The following PRICKLE2 variants were observed in gnomAD, a reference collection of about 807,000 sequenced individuals.
PRICKLE2 encodes prickle planar cell polarity protein 2.
Under a neutral mutation model 81.4 loss-of-function variants are expected in PRICKLE2, and 21 were observed. The observed-to-expected ratio is 0.26, with a 90% CI of 0.18 to 0.37. PRICKLE2 has a LOEUF of 0.37. Among genes scored for constraint, PRICKLE2 ranks in the 10% least tolerant of loss-of-function variants. PRICKLE2 has a pLI of 1.00. For missense variants in PRICKLE2, 940 were observed against 1,109.0 expected (o/e 0.85, Z 2.16); for synonymous variants, 456 against 421.5 (o/e 1.08, Z -1.00).
At chr3:64,182,361 T>C (rs2078150579) in intron 2 of PRICKLE2, among the ~76,000 whole-genome samples, 1 of 151,442 alleles carries the variant, frequency 6.6e-6, no homozygotes, top group Admixed American at 6.6e-5. Context: ...GTTGTGCGCA[T>C]CTACAGTCCC....
At chr3:64,209,154 T>C (rs903911618) in intron 1 of PRICKLE2, among the ~76,000 whole-genome samples, 2 of 148,088 alleles carry the variant, frequency 1.4e-5, no homozygotes, top group African/African-American at 2.5e-5. Flanking sequence ...TCTATCCACC[T>C]ATCCACCCAT....
At chr3:64,228,208 G>A (rs959797119), upstream of PRICKLE2, among the ~76,000 whole-genome samples, 2 of 152,124 alleles carry the variant, frequency 1.3e-5, no homozygotes, top group African/African-American at 4.8e-5. Flanking sequence ...GGACAACATG[G>A]TGACCAAGAT....
intron 2 of PRICKLE2, among the ~76,000 whole-genome samples, chr3:64,178,716 T>A (rs2078065835): frequency 6.6e-6 from 1 of 152,236 alleles, no homozygotes; most frequent in Non-Finnish European, 1.5e-5. Flanking sequence ...CAGCAAACAC[T>A]GAATTTCTGA....
At chr3:64,146,461 A>ACGGT in intron 7 of PRICKLE2, 1 of 245,476 alleles carries the variant, frequency 4.1e-6, no homozygotes, top group East Asian at 9.5e-5. Context: ...CCGGAGGACC[A>ACGGT]GGCTGGGCAC....
At chr3:64,215,788 C>T (rs1456162660) in intron 1 of PRICKLE2, among the ~76,000 whole-genome samples, 1 of 152,198 alleles carries the variant, frequency 6.6e-6, no homozygotes, top group Admixed American at 6.5e-5. Flanking sequence ...TTACAGCTGA[C>T]AATGTACCAT....
Position 64,175,755 on chromosome 3 carries a change from T to C in PRICKLE2, c.145-12626A>G, listed in dbSNP as rs538120265. Among the ~76,000 whole-genome samples, 364 of 152,224 alleles carry C rather than the reference T, an allele frequency of 2.4e-3. 1 individual carries two copies. The highest frequency in any genetic ancestry group is 4.1e-3 in the Non-Finnish European group (278 of 67,994). On this transcript the variant is annotated intron_variant, in intron 2 of 7. Transcript: ENST00000638394. ...TGCTGGTGTTCAATATAAAATGTAATAAAAATAAACATATTTTAAAATAAA... is the reference window on the plus strand; with the variant it reads ...TGCTGGTGTTCAATATAAAATGTAACAAAAATAAACATATTTTAAAATAAA...
rs2076541490 is a variant in PRICKLE2, at chr3:64,094,377, CA to C, written c.*4673del. The C allele has an allele frequency of 6.6e-6, 1 of 152,196 alleles. No individual in the cohort carries two copies. The highest frequency in any genetic ancestry group is 1.5e-5 in the Non-Finnish European group (1 of 68,036). 9.4% of individuals were successfully genotyped at this position (152,196 alleles called of 1,614,324 possible). A position where few individuals can be genotyped will look rare whatever the true frequency, so the allele number is the denominator to read the frequency against. On this transcript the variant is annotated 3_prime_UTR_variant, in exon 8 of 8. Transcript: ENST00000638394. ...GCTTGGTCAGTGACCTGTTGAATAT[CA>C]ATGGCCAAATGCCAAGCAGAGTGAA... is the stretch of plus-strand genomic sequence containing the variant.
At chr3:64,182,445 T>C (rs964662822) in intron 2 of PRICKLE2, among the ~76,000 whole-genome samples, 1 of 150,992 alleles carries the variant, frequency 6.6e-6, no homozygotes, top group Non-Finnish European at 1.5e-5. Context: ...CAGTGACCTA[T>C]AATTGCACCA....
chr3:64,165,813 T>A (rs2077819323), intron 2 of PRICKLE2, among the ~76,000 whole-genome samples: 1 of 152,172 alleles, frequency 6.6e-6, no homozygotes, highest in African/African-American at 2.4e-5. Context: ...CAGGCCCACT[T>A]TTGAATGGGC....
At chr3:64,233,824 G>A (rs1262559972) in intron 2 of PRICKLE2, among the ~76,000 whole-genome samples, 1 of 152,138 alleles carries the variant, frequency 6.6e-6, no homozygotes, top group African/African-American at 2.4e-5. Flanking sequence ...GTAAGCAGTA[G>A]TCACTCCCCA....
chr3:64,128,462 A>C (rs1253270485), intron 7 of PRICKLE2, among the ~76,000 whole-genome samples: 2 of 152,122 alleles, frequency 1.3e-5, no homozygotes, highest in Admixed American at 1.3e-4. Flanking sequence ...TAAAAAGCGT[A>C]TTTGGCCAGG....
intron 7 of PRICKLE2, among the ~76,000 whole-genome samples, chr3:64,108,448 G>A (rs2076789733): frequency 6.6e-6 from 1 of 152,166 alleles, no homozygotes; most frequent in Non-Finnish European, 1.5e-5. Context: ...CATCTGGGCA[G>A]TGGAGCTTAA....
chr3:64,201,554 T>C (rs548943178), intron 1 of PRICKLE2, among the ~76,000 whole-genome samples: 6 of 152,338 alleles, frequency 3.9e-5, no homozygotes, highest in South Asian at 4.1e-4. Flanking sequence ...GAGACATGTC[T>C]ATACAAATCC....
At position 64,136,682 on chromosome 3, in the gene PRICKLE2, A is replaced by C. The variant is rs1001155220; in HGVS notation, c.1660+10148T>G. Among the ~76,000 whole-genome samples, 6 of 152,166 alleles carry C rather than the reference A, an allele frequency of 3.9e-5. No individual in the cohort carries two copies. In the South Asian group the frequency reaches 1.2e-3, roughly 32 times the overall value. ...GGTGATGGTCGGTGCAGAATCACCCATAAGTCTCATATGACCACTAGAACA... is the reference window on the plus strand; with the variant it reads ...GGTGATGGTCGGTGCAGAATCACCCCTAAGTCTCATATGACCACTAGAACA... On this transcript the variant is annotated intron_variant, in intron 7 of 7. Transcript: ENST00000638394.
intron 2 of PRICKLE2, among the ~76,000 whole-genome samples, chr3:64,235,013 G>A (rs557290170): frequency 6.6e-6 from 1 of 152,220 alleles, no homozygotes; most frequent in Non-Finnish European, 1.5e-5. Context: ...ATATGTAGGT[G>A]TGCTTGATGG....
chr3:64,241,165 T>C (rs2079259662), intron 2 of PRICKLE2, among the ~76,000 whole-genome samples: 1 of 152,208 alleles, frequency 6.6e-6, no homozygotes, highest in Non-Finnish European at 1.5e-5. Context: ...TCAATAAAAC[T>C]TTATCAAAAC....
At chr3:64,183,059 T>C (rs78771448) in intron 2 of PRICKLE2, among the ~76,000 whole-genome samples, 88 of 152,330 alleles carry the variant, frequency 5.8e-4, no homozygotes, top group African/African-American at 1.7e-3. Context: ...ATATCTATCA[T>C]GTGCTGCTTG....
intron 7 of PRICKLE2, among the ~76,000 whole-genome samples, chr3:64,124,348 G>GCA (rs1282532872): frequency 1.3e-5 from 2 of 152,224 alleles, no homozygotes; most frequent in African/African-American, 4.8e-5. Context: ...AGGTGAAGCA[G>GCA]CAAGTGCTAA....
rs1268450147 is a variant in PRICKLE2, at chr3:64,231,788, G to A, written c.129-32821C>T. ...GTCCTCACCATAAACCAAAAATGTAGCATTTATTATCCCCTATCATACAGA... is the reference window on the plus strand; with the variant it reads ...GTCCTCACCATAAACCAAAAATGTAACATTTATTATCCCCTATCATACAGA... On this transcript the variant is annotated intron_variant, in intron 2 of 8. Transcript: ENST00000295902. 1.3e-5 allele frequency among the ~76,000 whole-genome samples: 2 copies of A among 152,154 alleles called. 1 individual carries two copies. The highest frequency in any genetic ancestry group is 4.1e-4 in the South Asian group (2 of 4,832).
Sources: gnomAD v4.1 joint callset for allele counts (sites outside exome capture counted in the v4.1 genomes callset) on GRCh38, gnomAD v4.1.1 for gene constraint, MANE v1.5 for transcripts, NCBI Gene and HGNC (gene_info 2026-07-23, HGNC 2026-07-21) for gene names.